NFYC: variants seen among roughly 807,000 people sequenced by gnomAD.
NFYC encodes CAAT box DNA-binding protein subunit C.
In NFYC, 25 loss-of-function variants were observed where a neutral mutation model predicts 53.1. The observed-to-expected ratio is 0.47, with a 90% CI of 0.34 to 0.66. The LOEUF (loss-of-function observed/expected upper bound fraction) is 0.66. Among genes scored for constraint, NFYC ranks in the 30% least tolerant of loss-of-function variants. The pLI is 0.01. For missense variants in NFYC, 260 were observed against 422.7 expected (o/e 0.62, Z 3.38); for synonymous variants, 145 against 152.6 (o/e 0.95, Z 0.37).
At chr1:40,711,037 C>A (rs1007864880) in intron 1 of NFYC, among the ~76,000 whole-genome samples, 3 of 152,154 alleles carry the variant, frequency 2.0e-5, no homozygotes, top group Non-Finnish European at 4.4e-5. Context: ...TTCATTCTCT[C>A]TCCCACTCTT....
intron 1 of NFYC, among the ~76,000 whole-genome samples, chr1:40,692,707 G>A (rs900503395): frequency 6.6e-6 from 1 of 152,170 alleles, no homozygotes; most frequent in Non-Finnish European, 1.5e-5. Context: ...ACGGACCTGG[G>A]ATGTGATGTG....
intron 1 of NFYC, among the ~76,000 whole-genome samples, chr1:40,704,484 C>T (rs1250695355): frequency 6.6e-6 from 1 of 152,198 alleles, no homozygotes; most frequent in Non-Finnish European, 1.5e-5. Context: ...GTTAGGTTCT[C>T]AGTCCACAGT....
intron 1 of NFYC, among the ~76,000 whole-genome samples, chr1:40,702,158 A>G (rs1643467003): frequency 1.3e-5 from 2 of 152,132 alleles, no homozygotes; most frequent in Non-Finnish European, 2.9e-5. Flanking sequence ...GGAGAATATA[A>G]CTTATTTTCA....
At chr1:40,766,541 T>C in intron 7 of NFYC, 55 bp from the exon 8 acceptor site, 4 of 1,338,374 alleles carry the variant, frequency 3.0e-6, no homozygotes, top group Non-Finnish European at 4.2e-6. Flanking sequence ...AAAGTTTGCC[T>C]GTTTGAGATT....
intron 1 of NFYC, among the ~76,000 whole-genome samples, chr1:40,712,214 T>G (rs1430605758): frequency 6.6e-6 from 1 of 152,242 alleles, no homozygotes; most frequent in East Asian, 1.9e-4. Flanking sequence ...CTTTTTAAAC[T>G]GCCTTCACCT....
chr1:40,714,698 T>C (rs767352498), intron 1 of NFYC, among the ~76,000 whole-genome samples: 2 of 148,812 alleles, frequency 1.3e-5, no homozygotes, highest in Non-Finnish European at 3.0e-5. Flanking sequence ...CACTGCAACC[T>C]TAAACTCCTG....
In NFYC at chr1:40,738,982, TTTAAA is replaced by T. The variant is rs745560300; in HGVS notation, c.105+35_105+39del. 13 of 1,473,868 alleles carry T rather than the reference TTTAAA, an allele frequency of 8.8e-6. No homozygotes were observed. In the Admixed American group the frequency reaches 2.2e-4, roughly 25 times the overall value. The allele number at this position is 1,473,868 out of a possible 1,614,324, so 91.3% of individuals were successfully genotyped here. On this transcript the variant is annotated intron_variant, in intron 2 of 9. Transcript: ENST00000447388. ...GAATGAGAAACTTTTATTAGAAACT[TTTAAA>T]GAGTATAAAGAGCTCTGGGAAATTA...
rs61747963 is a variant in NFYC at position 40,766,679 on chromosome 1, G to A, written c.804G>A (p.Gln268=). Residue 268 remains glutamine, a synonymous_variant, in exon 8 of 10, where the codon CAG becomes CAA. Transcript: ENST00000447388. ...SGTQVVQGQI[Q]TLATNAQQIT... is the part of the protein sequence containing the mutation. ...CTCAAGTTGTGCAGGGACAGATCCA[G>A]ACACTTGCCACCAATGCTCAACAGG... The A allele has an allele frequency of 1.1e-4, 181 of 1,614,002 alleles. No individual in the cohort carries two copies. The highest frequency in any genetic ancestry group is 1.3e-4 in the Non-Finnish European group (155 of 1,180,018).
At chr1:40,757,869 A>C in intron 5 of NFYC, 1 of 562,628 alleles carries the variant, frequency 1.8e-6, no homozygotes, top group African/African-American at 1.9e-5. Flanking sequence ...GCAACTTATC[A>C]TGCAATGGGT....
At chr1:40,721,993 A>G (rs371004243) in intron 1 of NFYC, among the ~76,000 whole-genome samples, 27 of 152,010 alleles carry the variant, frequency 1.8e-4, no homozygotes, top group East Asian at 1.2e-3. Flanking sequence ...ACACGGTGAA[A>G]CCCTGTCTCT....
chr1:40,763,782 T>C (rs1035313137), intron 7 of NFYC, among the ~76,000 whole-genome samples: 2 of 152,220 alleles, frequency 1.3e-5, no homozygotes, highest in Non-Finnish European at 2.9e-5. Context: ...TTCACCACGA[T>C]TGGGCGGCTT....
chr1:40,721,896 C>T (rs1368642622), intron 1 of NFYC, among the ~76,000 whole-genome samples: 5 of 152,016 alleles, frequency 3.3e-5, no homozygotes, highest in Admixed American at 1.3e-4. Context: ...GAAGGCCGGG[C>T]GCGGTGGCTC....
At chr1:40,762,764 G>C (rs1646613975) in intron 6 of NFYC, 124 bp from the exon 7 acceptor site, 2 of 853,892 alleles carry the variant, frequency 2.3e-6, no homozygotes, top group Non-Finnish European at 3.4e-6. Flanking sequence ...TACTAGTACT[G>C]AGATGACCTT....
At chr1:40,769,603 A>G (rs1432473779) in intron 9 of NFYC, among the ~76,000 whole-genome samples, 188 bp downstream of exon 9, 1 of 152,184 alleles carries the variant, frequency 6.6e-6, no homozygotes, top group Non-Finnish European at 1.5e-5. Flanking sequence ...ACTTAGTGGG[A>G]ACTAAAATAA....
chr1:40,715,112 ATAAT>A (rs1644082471), intron 1 of NFYC, among the ~76,000 whole-genome samples: 1 of 140,912 alleles, frequency 7.1e-6, no homozygotes, highest in Non-Finnish European at 1.6e-5. Flanking sequence ...AAATAAATAA[ATAAT>A]AATTTGGCTG....
chr1:40,737,268 T>A (rs1645082776), intron 1 of NFYC, among the ~76,000 whole-genome samples: 1 of 152,102 alleles, frequency 6.6e-6, no homozygotes, highest in African/African-American at 2.4e-5. Flanking sequence ...TTCCCTCCTT[T>A]GTCACAAAGC....
At chr1:40,763,639 G>T in intron 7 of NFYC, 1 of 338,898 alleles carries the variant, frequency 3.0e-6, no homozygotes, top group Admixed American at 4.1e-5. Context: ...GAGCCATCAC[G>T]CCCAGCCCTC....
intron 8 of NFYC, chr1:40,767,052 T>C: frequency 7.2e-7 from 1 of 1,390,828 alleles, no homozygotes; most frequent in Non-Finnish European, 1.0e-6. Flanking sequence ...TAAACCCAAG[T>C]GGCTGTTGTG....
At chr1:40,764,991 A>T (rs1646741938) in intron 7 of NFYC, among the ~76,000 whole-genome samples, 1 of 152,172 alleles carries the variant, frequency 6.6e-6, no homozygotes, top group South Asian at 2.1e-4. Flanking sequence ...AGCTGTCAGT[A>T]TACCTTCTCC....
Sources: allele counts gnomAD v4.1 joint callset (sites outside exome capture counted in the v4.1 genomes callset), GRCh38; gene constraint gnomAD v4.1.1; transcripts MANE v1.5; gene names NCBI Gene and HGNC (gene_info 2026-07-23, HGNC 2026-07-21).